Variants in GPHN observed in about 807,000 individuals in gnomAD.
The protein encoded by GPHN is gephyrin.
GPHN carries 17 observed loss-of-function variants against 95.5 expected under a neutral mutation model. The ratio of observed to expected loss-of-function variants is 0.18; its 90% CI spans 0.12 to 0.27. The LOEUF (loss-of-function observed/expected upper bound fraction) is 0.27, where lower values mean the gene tolerates loss of function less well. Ranked by LOEUF, GPHN falls within the 10% of genes least tolerant of loss-of-function variation. GPHN has a pLI of 1.00. For missense variants in GPHN, 660 were observed against 978.1 expected (o/e 0.67, Z 4.34); for synonymous variants, 320 against 322.5 (o/e 0.99, Z 0.08).
At chr14:66,960,291 TTC>T (rs2068806541) in intron 8 of GPHN, among the ~76,000 whole-genome samples, 1 of 151,468 alleles carries the variant, frequency 6.6e-6, no homozygotes, top group Non-Finnish European at 1.5e-5. Flanking sequence ...CTTTTTTTTT[TTC>T]CCTGTGTACA....
intron 9 of GPHN, among the ~76,000 whole-genome samples, chr14:66,974,697 T>G (rs1389133547): frequency 2.0e-5 from 3 of 152,124 alleles, no homozygotes; most frequent in Admixed American, 1.3e-4. Flanking sequence ...CATAAAAAAG[T>G]TCTTATAAAA....
At chr14:67,410,742 T>G in the GPHN span, among the ~76,000 whole-genome samples, 1 of 151,994 alleles carries the variant, frequency 6.6e-6, no homozygotes, top group Admixed American at 6.6e-5. Flanking sequence ...CCCTCTTCAT[T>G]CCCCTCCCAA....
chr14:67,540,037 T>C, the GPHN span, among the ~76,000 whole-genome samples: 1 of 152,122 alleles, frequency 6.6e-6, no homozygotes, highest in Admixed American at 6.6e-5. Context: ...CTGGCAACAG[T>C]ACAGGAGGTG....
chr14:66,721,244 A>G (rs1446460380), intron 2 of GPHN, among the ~76,000 whole-genome samples: 1 of 152,212 alleles, frequency 6.6e-6, no homozygotes, highest in Admixed American at 6.5e-5. Flanking sequence ...GAATCAAAGT[A>G]AAACAATAAA....
intron 9 of GPHN, among the ~76,000 whole-genome samples, chr14:66,965,970 T>C (rs950176706): frequency 3.9e-5 from 6 of 152,118 alleles, no homozygotes; most frequent in African/African-American, 1.4e-4. Context: ...ACATGATAAA[T>C]TAACTAGCAG....
intron 18 of GPHN, among the ~76,000 whole-genome samples, chr14:67,156,911 A>T (rs2081619851): frequency 6.6e-6 from 1 of 151,870 alleles, no homozygotes. Context: ...AGAGGTTGCC[A>T]ACGTGAGCCG....
chr14:66,898,178 T>C (rs1234676619), intron 5 of GPHN, among the ~76,000 whole-genome samples: 1 of 151,966 alleles, frequency 6.6e-6, no homozygotes, highest in Non-Finnish European at 1.5e-5. Context: ...CTTCACAGTG[T>C]CATTCACAGA....
the GPHN span, among the ~76,000 whole-genome samples, chr14:67,252,444 C>G: frequency 6.6e-6 from 1 of 152,096 alleles, no homozygotes; most frequent in Non-Finnish European, 1.5e-5. Context: ...AGTGAGCCAC[C>G]GTGCTCAGCA....
chr14:67,280,837 T>TTCCTTCCTTCCTTCCC, the GPHN span, among the ~76,000 whole-genome samples: 13 of 133,446 alleles, frequency 9.7e-5, no homozygotes, highest in African/African-American at 4.1e-4. Flanking sequence ...CCTTCCTTCC[T>TTCCTTCCTTCCTTCCC]TCCTTCCTTC....
At chr14:67,126,359 G>A (rs1414570784) in intron 17 of GPHN, among the ~76,000 whole-genome samples, 1 of 152,132 alleles carries the variant, frequency 6.6e-6, no homozygotes, top group Non-Finnish European at 1.5e-5. Context: ...ACAAGATATT[G>A]TATACCTGTG....
At chr14:66,622,692 G>A (rs2153319809) in intron 1 of GPHN, among the ~76,000 whole-genome samples, 1 of 152,258 alleles carries the variant, frequency 6.6e-6, no homozygotes, top group Middle Eastern at 3.4e-3. Flanking sequence ...CTCTGGGGCA[G>A]GGGCAAAAAG....
chr14:67,516,586 C>T, the GPHN span, among the ~76,000 whole-genome samples: 1 of 152,098 alleles, frequency 6.6e-6, no homozygotes, highest in Admixed American at 6.6e-5. Flanking sequence ...TTCCTCCTGT[C>T]TGAACCTAAT....
the GPHN span, among the ~76,000 whole-genome samples, chr14:67,565,466 A>T: frequency 6.6e-6 from 1 of 152,044 alleles, no homozygotes; most frequent in Non-Finnish European, 1.5e-5. Context: ...GCTAGTCTCA[A>T]ACTCCTGGCC....
the GPHN span, among the ~76,000 whole-genome samples, chr14:67,318,624 T>G: frequency 6.6e-6 from 1 of 151,668 alleles, no homozygotes; most frequent in Admixed American, 6.6e-5. Context: ...AGGAATTACA[T>G]TTGCTGTTTA....
At chr14:67,518,414 A>T in the GPHN span, among the ~76,000 whole-genome samples, 1 of 152,250 alleles carries the variant, frequency 6.6e-6, no homozygotes, top group Non-Finnish European at 1.5e-5. Flanking sequence ...AGGAGAATGC[A>T]TATAAGGTGC....
At chr14:67,300,678 C>T in the GPHN span, among the ~76,000 whole-genome samples, 2 of 151,662 alleles carry the variant, frequency 1.3e-5, no homozygotes, top group Non-Finnish European at 2.9e-5. Context: ...ATAGTAGGTG[C>T]CATTCTAAAG....
intron 9 of GPHN, among the ~76,000 whole-genome samples, chr14:67,000,512 A>G (rs2072141763): frequency 6.6e-6 from 1 of 151,654 alleles, no homozygotes; most frequent in Admixed American, 6.6e-5. Flanking sequence ...ATGATTTATT[A>G]CTTATTTCAA....
chr14:67,673,985 A>T, the GPHN span, among the ~76,000 whole-genome samples: 1 of 152,192 alleles, frequency 6.6e-6, no homozygotes, highest in East Asian at 1.9e-4. Flanking sequence ...TTTCTGTGCT[A>T]CGGATCCTCT....
chr14:66,990,734 AT>A, intron 9 of GPHN, among the ~76,000 whole-genome samples: 1 of 152,172 alleles, frequency 6.6e-6, no homozygotes, highest in East Asian at 1.9e-4. Context: ...AAAGTCTAAT[AT>A]TTTATTTAAT....
Sources: allele counts gnomAD v4.1 joint callset (sites outside exome capture counted in the v4.1 genomes callset), GRCh38; gene constraint gnomAD v4.1.1; transcripts MANE v1.5; gene names NCBI Gene and HGNC (gene_info 2026-07-23, HGNC 2026-07-21).